TRAPPC8: variants seen among roughly 807,000 people sequenced by gnomAD.
TRAPPC8 encodes the protein general sporulation gene 1 homolog.
In TRAPPC8, 54 loss-of-function variants were observed where a neutral mutation model predicts 174.3. The observed-to-expected ratio is 0.31, with a 90% CI of 0.25 to 0.39. The LOEUF (loss-of-function observed/expected upper bound fraction) is 0.39. TRAPPC8 is among the 10% of genes least tolerant of loss of function. The pLI, the probability that TRAPPC8 is intolerant of heterozygous loss-of-function variation, is 1.00. For synonymous variants in TRAPPC8, 630 were observed against 579.9 expected, an observed-to-expected ratio of 1.09 and a Z score of -1.24; for missense variants, 1,531 against 1,699.1, an observed-to-expected ratio of 0.90 and a Z score of 1.74.
chr18:31,907,487 T>G lies in TRAPPC8; in HGVS notation c.1362A>C (p.Gln454His), dbSNP rs1397861156. 16 of 1,603,614 alleles carry G rather than the reference T, an allele frequency of 1.0e-5. No homozygotes were observed. In the South Asian group the frequency reaches 1.7e-4, roughly 17 times the overall value. Reference sequence around the variant, plus strand: ...AGGCACCAGCTGCATAAAGCATTGCTTGATCATTAAGAAAATCTTTCTTTG... The same window carrying G: ...AGGCACCAGCTGCATAAAGCATTGCGTGATCATTAAGAAAATCTTTCTTTG... The part of the protein sequence containing the change: ...HTAKKDFLND[Q>H]AMLYAAGALE... The change falls in exon 9 of 29, where the codon CAA becomes CAC. Residue 454 changes from glutamine (Q) to histidine (H), a missense_variant. Coordinates refer to ENST00000283351, the MANE Select transcript of TRAPPC8 (RefSeq NM_014939.5).
intron 20 of TRAPPC8, among the ~76,000 whole-genome samples, chr18:31,856,154 G>A (rs1379597135): frequency 6.6e-6 from 1 of 151,822 alleles, no homozygotes; most frequent in African/African-American, 2.4e-5. Context: ...ACCCAGGTGG[G>A]AGTGCAGTGG....
intron 1 of TRAPPC8, among the ~76,000 whole-genome samples, chr18:31,933,020 A>AAAAAG (rs1568153937): frequency 2.3e-5 from 3 of 128,872 alleles, no homozygotes; most frequent in African/African-American, 9.2e-5. Context: ...AAAAAAAAAA[A>AAAAAG]GCCGGGCGCA....
chr18:31,909,975 C>T lies in TRAPPC8; in HGVS notation c.772-215G>A, dbSNP rs116495120. Among the ~76,000 whole-genome samples the T allele has an allele frequency of 7.3e-3, 1,106 of 152,268 alleles. 15 individuals are homozygous for T. The highest frequency in any genetic ancestry group is 0.025 in the African/African-American group (1,060 of 41,576). On this transcript the variant is annotated intron_variant, in intron 5 of 28. Coordinates refer to ENST00000283351, the MANE Select transcript of TRAPPC8 (RefSeq NM_014939.5). ...TACTATATTCTTAAATCCCCTTTCACACTCAAGCTACTATCCTAATTCTTC... is the reference window on the plus strand; with the variant it reads ...TACTATATTCTTAAATCCCCTTTCATACTCAAGCTACTATCCTAATTCTTC...
chr18:31,937,599 A>C (rs1318400626), intron 1 of TRAPPC8: 1 of 152,226 alleles, frequency 6.6e-6, no homozygotes, highest in Non-Finnish European at 1.5e-5. Flanking sequence ...TAGCTCCTGC[A>C]CAAGGATCAC....
intron 19 of TRAPPC8, among the ~76,000 whole-genome samples, chr18:31,863,077 A>G (rs1250280726): frequency 6.6e-6 from 1 of 151,264 alleles, no homozygotes; most frequent in East Asian, 1.9e-4. Flanking sequence ...AAAGAGTATA[A>G]GCAGGCAATC....
Position 31,880,080 on chromosome 18 carries a change from TGA to T in TRAPPC8, c.1729-5378_1729-5377del, listed in dbSNP as rs1491238885. On this transcript the variant is annotated intron_variant, in intron 12 of 28. Coordinates refer to ENST00000283351, the MANE Select transcript of TRAPPC8 (RefSeq NM_014939.5). Reference sequence around the variant, plus strand: ...CTGGTACCAATTTTACTGAAACTATTGAAAAAAAAAATATATATATATATATA... The same window carrying T: ...CTGGTACCAATTTTACTGAAACTATTAAAAAAAAATATATATATATATATA... Among the ~76,000 whole-genome samples the T allele has an allele frequency of 6.1e-4, 27 of 44,364 alleles. 1 individual carries two copies. The highest frequency in any genetic ancestry group is 9.5e-4 in the Non-Finnish European group (24 of 25,194). The allele number at this position is 44,364 out of a possible 152,430, so 29.1% of individuals were successfully genotyped here.
intron 11 of TRAPPC8, among the ~76,000 whole-genome samples, chr18:31,895,543 T>C (rs565794389): frequency 1.4e-4 from 21 of 151,970 alleles, no homozygotes; most frequent in Non-Finnish European, 2.9e-4. Flanking sequence ...AAGAGAAAAA[T>C]GACAAAAAAT....
At position 31,942,695 on chromosome 18, in the gene TRAPPC8, A is replaced by T; in HGVS notation, c.70T>A (p.Cys24Ser). The T allele has an allele frequency of 6.2e-7, 1 of 1,608,460 alleles. No homozygotes were observed. The highest frequency in any genetic ancestry group is 8.5e-7 in the Non-Finnish European group (1 of 1,177,678). ...DSFVPCVAAL[C>S]SDEAERLTRL... ...GTGAGCCGCTCGGCTTCGTCGCTGC[A>T]CAGCGCAGCGACACAGGGGACGAAG... The change falls in exon 1 of 29, where the codon TGC becomes AGC. Residue 24 changes from cysteine (C) to serine (S), a missense_variant. By Grantham distance (112) the Cys-to-Ser change is moderately radical. Coordinates refer to ENST00000283351, the MANE Select transcript of TRAPPC8 (RefSeq NM_014939.5).
chr18:31,829,918 A>T lies in TRAPPC8; in HGVS notation c.*837T>A, dbSNP rs1032427899. 6.6e-6 allele frequency: 1 copy of T among 152,662 alleles called. No homozygotes were observed. Among genetic ancestry groups the T allele is most frequent in the Non-Finnish European group, 1.5e-5 (1 of 68,048 alleles). The allele number at this position is 152,662 out of a possible 1,614,324, so 9.5% of individuals were successfully genotyped here. A position where few individuals can be genotyped will look rare whatever the true frequency, so the allele number is the denominator to read the frequency against. On this transcript the variant is annotated 3_prime_UTR_variant, in exon 29 of 29. Transcript: ENST00000283351. ...AAATATTTTGAAACCAGACTTTCTA[A>T]TCAACAGATACTAATACGCTATACA...
In TRAPPC8 at chr18:31,917,187, AT is replaced by A. The variant is rs2037185744; in HGVS notation, c.442+390del. 2.6e-5 allele frequency among the ~76,000 whole-genome samples: 4 copies of A among 152,258 alleles called. 2 individuals carry two copies. In the South Asian group the frequency reaches 8.3e-4, roughly 32 times the overall value. On this transcript the variant is annotated intron_variant, in intron 3 of 28. Transcript: ENST00000283351. ...AATACCCATTAAAAAATTACTAAAAATATCCAAAATTATTTTTCATGAGTCT... is the reference window on the plus strand; with the variant it reads ...AATACCCATTAAAAAATTACTAAAAAATCCAAAATTATTTTTCATGAGTCT...
In TRAPPC8 at chr18:31,839,264, G is replaced by A. The variant is rs185087894; in HGVS notation, c.3983+48C>T. 3.0e-4 allele frequency: 468 copies of A among 1,544,096 alleles called. 1 individual carries two copies. The highest frequency in any genetic ancestry group is 1.6e-3 in the Admixed American group (79 of 49,742). On this transcript the variant is annotated intron_variant, in intron 27 of 28. Coordinates refer to ENST00000283351, the MANE Select transcript of TRAPPC8 (RefSeq NM_014939.5). ...GCCAAAATAAAAGAAACAAATACACGTGCCAGTGTGTTGTAGAAAATTTTG... is the reference window on the plus strand; with the variant it reads ...GCCAAAATAAAAGAAACAAATACACATGCCAGTGTGTTGTAGAAAATTTTG...
chr18:31,912,494 C>CA (rs139915586), intron 5 of TRAPPC8, among the ~76,000 whole-genome samples: 37,739 of 147,964 alleles, frequency 0.26, 5,197 homozygotes, highest in South Asian at 0.51. Context: ...TCTTTGTCTC[C>CA]AAAAAAAAAA....
intron 26 of TRAPPC8, chr18:31,845,188 A>AT (rs1387848142): frequency 8.0e-5 from 12 of 149,670 alleles, no homozygotes; most frequent in African/African-American, 2.7e-4. Flanking sequence ...CAAAAAAAAA[A>AT]AAAATAAATA....
At chr18:31,942,199 G>A (rs2038374585) in intron 1 of TRAPPC8, among the ~76,000 whole-genome samples, 1 of 152,182 alleles carries the variant, frequency 6.6e-6, no homozygotes, top group Non-Finnish European at 1.5e-5. Context: ...TAACATCCAA[G>A]GGAGGATGAC....
chr18:31,918,089 G>A (rs1344034527), intron 2 of TRAPPC8, among the ~76,000 whole-genome samples: 3 of 152,066 alleles, frequency 2.0e-5, no homozygotes, highest in Non-Finnish European at 2.9e-5. Flanking sequence ...TCACACCACT[G>A]CACTCCAGCC....
chr18:31,916,205 A>G, intron 4 of TRAPPC8, 67 bp downstream of exon 4: 1 of 1,180,204 alleles, frequency 8.5e-7, no homozygotes, highest in Non-Finnish European at 1.1e-6. Context: ...AAACGTAAAC[A>G]AGCTATCTCC....
At chr18:31,857,492 T>A in intron 20 of TRAPPC8, 48 bp downstream of exon 20, 1 of 1,425,768 alleles carries the variant, frequency 7.0e-7, no homozygotes, top group Non-Finnish European at 9.5e-7. Flanking sequence ...AATATGTGCA[T>A]ATACATTGAA....
Position 31,931,191 on chromosome 18 carries a change from G to A in TRAPPC8, c.352+138C>T, listed in dbSNP as rs966497608. 52 of 687,500 alleles carry A rather than the reference G, an allele frequency of 7.6e-5. No individual in the cohort carries two copies. In the African/African-American group the frequency reaches 9.0e-4, roughly 12 times the overall value. The allele number at this position is 687,500 out of a possible 1,614,324, so 42.6% of individuals were successfully genotyped here. ...ATAAACAGGCAAAGTTCCTAGGACT[G>A]TTTTCAACATTGTATTCTCAGGCCC... On this transcript the variant is annotated intron_variant, in intron 2 of 28. Coordinates refer to ENST00000283351, the MANE Select transcript of TRAPPC8 (RefSeq NM_014939.5).
At chr18:31,936,257 A>C (rs1466833889) in intron 1 of TRAPPC8, among the ~76,000 whole-genome samples, 2 of 151,360 alleles carry the variant, frequency 1.3e-5, no homozygotes, top group Non-Finnish European at 2.9e-5. Context: ...CCAAGAGTTC[A>C]AGAACAGCCT....
Sources: gnomAD v4.1 joint callset for allele counts (sites outside exome capture counted in the v4.1 genomes callset) on GRCh38, gnomAD v4.1.1 for gene constraint, MANE v1.5 for transcripts, NCBI Gene and HGNC (gene_info 2026-07-23, HGNC 2026-07-21) for gene names.